BRDT: variants seen among roughly 807,000 people sequenced by gnomAD.
BRDT encodes bromodomain testis-specific protein.
Under a neutral mutation model 113.9 loss-of-function variants are expected in BRDT, and 77 were observed. The observed-to-expected ratio is 0.68, with a 90% CI of 0.56 to 0.82. BRDT has a LOEUF of 0.82. Among genes scored for constraint, BRDT ranks in the 40% least tolerant of loss-of-function variants. BRDT has a pLI of 0.00. For synonymous variants in BRDT, 358 were observed against 366.5 expected (o/e 0.98, Z 0.26); for missense variants, 1,027 against 1,105.4 (o/e 0.93, Z 1.01).
At chr1:91,985,380 A>G (rs1434366196) in intron 12 of BRDT, among the ~76,000 whole-genome samples, 1 of 151,716 alleles carries the variant, frequency 6.6e-6, no homozygotes, top group Non-Finnish European at 1.5e-5. Context: ...TTTTTAGTAG[A>G]AATGGGGTTT....
chr1:91,972,268 A>G (rs910481393), intron 4 of BRDT, among the ~76,000 whole-genome samples: 1 of 152,142 alleles, frequency 6.6e-6, no homozygotes. Flanking sequence ...TTCCCATTCT[A>G]TAGTTCTCTT....
At chr1:91,962,667 G>C in intron 1 of BRDT, 51 bp from the exon 2 acceptor site, 1 of 1,146,838 alleles carries the variant, frequency 8.7e-7, no homozygotes. Flanking sequence ...TTCAGCTCCT[G>C]TGGAAACCAT....
rs947060730 is a variant in BRDT at position 91,968,414 on chromosome 1, C to T, written c.445+154C>T. 9 of 1,174,382 alleles carry T rather than the reference C, an allele frequency of 7.7e-6. 1 individual carries two copies. The African/African-American group carries it at 1.4e-4, about 18-fold the overall frequency. The allele number at this position is 1,174,382 out of a possible 1,614,324, so 72.7% of individuals were successfully genotyped here. A position where few individuals can be genotyped will look rare whatever the true frequency, so the allele number is the denominator to read the frequency against. On this transcript the variant is annotated intron_variant, in intron 4 of 18. Transcript: ENST00000399546. ...TGTCCATTTGAAACAATCTGCCAAA[C>T]CTTGATCACAAGGATGGGTATCATT...
intron 1 of BRDT, among the ~76,000 whole-genome samples, chr1:91,953,067 C>T (rs1484236721): frequency 6.6e-6 from 1 of 152,016 alleles, no homozygotes. Flanking sequence ...TCATCATTTA[C>T]ATTAGATATT....
Position 92,005,280 on chromosome 1 carries a change from AGAG to A in BRDT, c.2766_2768del (p.Arg923del), listed in dbSNP as rs1385565404. 6.4e-7 allele frequency: 1 copy of A among 1,564,760 alleles called. No individual in the cohort carries two copies. The highest frequency in any genetic ancestry group is 8.6e-7 in the Non-Finnish European group (1 of 1,163,350). On this transcript the variant is annotated inframe_deletion, in exon 18 of 19. Transcript: ENST00000399546. The stretch of plus-strand genomic sequence containing the variant: ...GATTTAGCAAGGCAGAAAGAACAAG[AGAG>A]GAGGAGGAGAGAAGCAGTAAGTGAA...
In BRDT at chr1:91,955,419, A is replaced by C. The variant is rs144703820; in HGVS notation, c.-38+5737A>C. ...CAGTGAGCTGAGATTGCTCCATGGC[A>C]CTCCAGCCTGGGAGACAGAGTGAGA... is the stretch of plus-strand genomic sequence containing the variant. On this transcript the variant is annotated intron_variant, in intron 1 of 18. Coordinates refer to ENST00000399546, the MANE Select transcript of BRDT (RefSeq NM_207189.4). Among the ~76,000 whole-genome samples the C allele has an allele frequency of 8.8e-3, 1,339 of 152,260 alleles. 10 individuals are homozygous for C. Among genetic ancestry groups the C allele is most frequent in the African/African-American group, 0.031 (1,294 of 41,546 alleles).
intron 1 of BRDT, among the ~76,000 whole-genome samples, chr1:91,961,818 T>C (rs1462164361): frequency 6.6e-6 from 1 of 152,102 alleles, no homozygotes; most frequent in Non-Finnish European, 1.5e-5. Flanking sequence ...CCTCAATTTG[T>C]GTTTTTGTGA....
At chr1:91,972,238 C>T (rs1683702680) in intron 4 of BRDT, among the ~76,000 whole-genome samples, 1 of 152,274 alleles carries the variant, frequency 6.6e-6, no homozygotes, top group African/African-American at 2.4e-5. Context: ...TTCATGCACA[C>T]AATAATCATG....
intron 4 of BRDT, among the ~76,000 whole-genome samples, chr1:91,973,539 A>C (rs1213347598): frequency 6.6e-6 from 1 of 152,106 alleles, no homozygotes; most frequent in Non-Finnish European, 1.5e-5. Flanking sequence ...ATTCTCTTTG[A>C]AACAATTGTG....
At chr1:91,994,470 T>C (rs559525171) in intron 15 of BRDT, among the ~76,000 whole-genome samples, 2 of 151,956 alleles carry the variant, frequency 1.3e-5, no homozygotes, top group Non-Finnish European at 2.9e-5. Flanking sequence ...AGAAAGAAAA[T>C]TATGTATATA....
chr1:91,964,878 CGTGTGT>C lies in BRDT; in HGVS notation c.330+135_330+140del, dbSNP rs59328937. 252 of 343,948 alleles carry C rather than the reference CGTGTGT, an allele frequency of 7.3e-4. 1 individual carries two copies. The highest frequency in any genetic ancestry group is 2.4e-3 in the Admixed American group (45 of 18,894). 21.3% of individuals were successfully genotyped at this position (343,948 alleles called of 1,614,324 possible). A position where few individuals can be genotyped will look rare whatever the true frequency, so the allele number is the denominator to read the frequency against. ...AATTCTCTTCGTTTGAGATACTTGA[CGTGTGT>C]GTGTGTGTGTGTGTGTGTGTATATA... is the stretch of plus-strand genomic sequence containing the variant. On this transcript the variant is annotated intron_variant, in intron 3 of 18. Coordinates refer to ENST00000399546, the MANE Select transcript of BRDT (RefSeq NM_207189.4).
intron 7 of BRDT, 92 bp downstream of exon 7, chr1:91,978,388 A>T: frequency 1.4e-6 from 2 of 1,431,578 alleles, no homozygotes; most frequent in Middle Eastern, 1.8e-4. Flanking sequence ...AAGAATAATA[A>T]CTCCTACACC....
chr1:91,978,151 GTTTTTC>G lies in BRDT; in HGVS notation c.970-13_970-8del, dbSNP rs772415565. ...AATTGAACTATTTGTGAATCCTGTA[GTTTTTC>G]TTTAATTTAGGAGAAAATGGATAAC... On this transcript the variant is annotated splice_polypyrimidine_tract_variant and intron_variant, in intron 6 of 18. Transcript: ENST00000399546. 194 of 1,603,826 alleles carry G rather than the reference GTTTTTC, an allele frequency of 1.2e-4. No individual in the cohort carries two copies. The highest frequency in any genetic ancestry group is 1.6e-4 in the Non-Finnish European group (188 of 1,172,462).
At chr1:91,969,821 G>GGT (rs1388481617) in intron 4 of BRDT, among the ~76,000 whole-genome samples, 1 of 110,988 alleles carries the variant, frequency 9.0e-6, no homozygotes, top group African/African-American at 3.3e-5. Flanking sequence ...GTGTGTGTGT[G>GGT]TGTTTTTTTT....
chr1:91,977,137 A>T lies in BRDT; in HGVS notation c.713A>T (p.Lys238Ile), dbSNP rs751684226. 42 of 1,613,860 alleles carry T rather than the reference A, an allele frequency of 2.6e-5. No homozygotes were observed. The Admixed American group carries it at 5.3e-4, about 20-fold the overall frequency. Residue 238 changes from lysine (K) to isoleucine (I), a missense_variant, in exon 6 of 19, where the codon AAA (lysine) becomes ATA (isoleucine). Physicochemically the swap from Lys to Ile is moderately radical, Grantham distance 102. Transcript: ENST00000399546. Reference protein sequence around the residue: ...SSEFSPTFTEKSVALPPIKEN... With the variant: ...SSEFSPTFTEISVALPPIKEN... ...GAATTTTCTCCAACATTCACAGAAA[A>T]ATCAGTGGCACTGCCACCTATAAAA...
At chr1:91,972,823 A>G (rs1683757112) in intron 4 of BRDT, among the ~76,000 whole-genome samples, 1 of 152,226 alleles carries the variant, frequency 6.6e-6, no homozygotes, top group African/African-American at 2.4e-5. Context: ...GAGTAGTGAC[A>G]ACTCAGACAT....
rs1684648512 is a variant in BRDT, at chr1:91,980,822, ATC to A, written c.1460+9_1460+10del. On this transcript the variant is annotated splice_region_variant and intron_variant, in intron 9 of 18. Transcript: ENST00000399546. Reference sequence around the variant, plus strand: ...AGGAAAAGTCCAAGAGAAAGTAAGTATCTTTTATTATGATAGCTTATTAAGAC... The same window carrying A: ...AGGAAAAGTCCAAGAGAAAGTAAGTATTTTATTATGATAGCTTATTAAGAC... 1 of 1,588,906 alleles carries A rather than the reference ATC, an allele frequency of 6.3e-7. No individual in the cohort carries two copies. Among genetic ancestry groups the A allele is most frequent in the East Asian group, 2.2e-5 (1 of 44,714 alleles).
intron 18 of BRDT, 152 bp downstream of exon 18, chr1:92,005,451 T>C: frequency 1.5e-6 from 1 of 673,010 alleles, no homozygotes; most frequent in South Asian, 5.9e-5. Context: ...AATTAAAGCT[T>C]AAAATAAAAA....
At chr1:91,964,886 T>A in intron 3 of BRDT, 122 bp downstream of exon 3, 1 of 507,652 alleles carries the variant, frequency 2.0e-6, no homozygotes, top group Non-Finnish European at 3.1e-6. Context: ...GACGTGTGTG[T>A]GTGTGTGTGT....
Sources: gnomAD v4.1 joint callset for allele counts (sites outside exome capture counted in the v4.1 genomes callset) on GRCh38, gnomAD v4.1.1 for gene constraint, MANE v1.5 for transcripts, NCBI Gene and HGNC (gene_info 2026-07-23, HGNC 2026-07-21) for gene names.